Variants in CHN1 observed in about 807,000 individuals in gnomAD.
CHN1 encodes the protein chimerin 1, also known as N-chimaerin.
CHN1 carries 37 observed loss-of-function variants against 59.5 expected under a neutral mutation model. The observed-to-expected ratio is 0.62, with a 90% CI of 0.48 to 0.82. CHN1 has a LOEUF of 0.82. CHN1 is among the 40% of genes least tolerant of loss of function. The pLI is 0.00. For synonymous variants in CHN1, 206 were observed against 200.4 expected (o/e 1.03, Z -0.24); for missense variants, 469 against 571.0 (o/e 0.82, Z 1.82).
At chr2:174,872,849 A>G (rs1257302581) in intron 6 of CHN1, among the ~76,000 whole-genome samples, 2 of 152,130 alleles carry the variant, frequency 1.3e-5, no homozygotes, top group African/African-American at 4.8e-5. Context: ...CCAGAAAGCA[A>G]TAATTCTTCA....
Position 174,964,281 on chromosome 2 carries a change from G to A in CHN1, c.20-12079C>T, listed in dbSNP as rs1051519066. ...ACAAACTCTTTCTGGAAGCACAGGA[G>A]AGAAGTTACCTTATTACATGTAATG... On this transcript the variant is annotated intron_variant, in intron 1 of 12. Coordinates refer to ENST00000409900, the MANE Select transcript of CHN1 (RefSeq NM_001822.7). Among the ~76,000 whole-genome samples the A allele has an allele frequency of 3.9e-5, 6 of 152,292 alleles. No individual in the cohort carries two copies. In the East Asian group the frequency reaches 1.2e-3, roughly 29 times the overall value.
At chr2:174,829,485 A>C (rs917346585) in intron 7 of CHN1, among the ~76,000 whole-genome samples, 2 of 152,264 alleles carry the variant, frequency 1.3e-5, no homozygotes, top group African/African-American at 4.8e-5. Context: ...TACAGCATTC[A>C]TATCTCCAGT....
intron 3 of CHN1, among the ~76,000 whole-genome samples, chr2:174,938,323 C>T (rs895373574): frequency 2.6e-5 from 4 of 152,120 alleles, no homozygotes; most frequent in African/African-American, 9.7e-5. Context: ...CAACTCTATC[C>T]CACTATTTAA....
At chr2:174,912,047 T>A (rs1288125084) in intron 5 of CHN1, among the ~76,000 whole-genome samples, 1 of 151,948 alleles carries the variant, frequency 6.6e-6, no homozygotes, top group Non-Finnish European at 1.5e-5. Context: ...AAAGAAAAAG[T>A]CCTCTTAATC....
intron 5 of CHN1, among the ~76,000 whole-genome samples, chr2:174,891,263 G>C (rs1471461889): frequency 1.3e-5 from 2 of 150,290 alleles, no homozygotes; most frequent in East Asian, 3.9e-4. Context: ...AGGAAAACTA[G>C]AAAATATCTT....
At chr2:174,897,466 T>C (rs1036782535) in intron 5 of CHN1, among the ~76,000 whole-genome samples, 2 of 151,646 alleles carry the variant, frequency 1.3e-5, no homozygotes, top group African/African-American at 4.8e-5. Context: ...TATAAACATA[T>C]ATATTTTCAG....
At chr2:174,945,803 T>A (rs1689810538) in intron 2 of CHN1, among the ~76,000 whole-genome samples, 1 of 152,074 alleles carries the variant, frequency 6.6e-6, no homozygotes, top group Admixed American at 6.6e-5. Context: ...AGATTTCAAA[T>A]GGATATGATT....
At chr2:174,827,765 C>T (rs1190876340) in intron 7 of CHN1, among the ~76,000 whole-genome samples, 3 of 152,064 alleles carry the variant, frequency 2.0e-5, no homozygotes, top group African/African-American at 4.8e-5. Context: ...GAATCAACAG[C>T]GCTTGGTAAC....
At chr2:174,892,377 C>G (rs1222047279) in intron 5 of CHN1, among the ~76,000 whole-genome samples, 1 of 152,152 alleles carries the variant, frequency 6.6e-6, no homozygotes, top group Non-Finnish European at 1.5e-5. Context: ...AGGGTTTGGC[C>G]CTTTTTCCCT....
chr2:174,939,714 A>G (rs1257667065), intron 3 of CHN1, among the ~76,000 whole-genome samples: 1 of 152,208 alleles, frequency 6.6e-6, no homozygotes, highest in Non-Finnish European at 1.5e-5. Flanking sequence ...TAGCATTTTT[A>G]AAATTCCCAT....
At position 174,954,764 on chromosome 2, in the gene CHN1, G is replaced by A. The variant is rs181643055; in HGVS notation, c.20-2562C>T. On this transcript the variant is annotated intron_variant, in intron 1 of 12. Coordinates refer to ENST00000409900, the MANE Select transcript of CHN1 (RefSeq NM_001822.7). ...ATGTTAACACCTCACTCCTACAAGAGTGGCCATAATTAAAAAATCAAAAAA... is the reference window on the plus strand; with the variant it reads ...ATGTTAACACCTCACTCCTACAAGAATGGCCATAATTAAAAAATCAAAAAA... 1.6e-4 allele frequency among the ~76,000 whole-genome samples: 25 copies of A among 152,214 alleles called. 1 individual carries two copies. The highest frequency in any genetic ancestry group is 1.6e-3 in the Admixed American group (25 of 15,270).
At chr2:174,909,637 T>C (rs571708347) in intron 5 of CHN1, among the ~76,000 whole-genome samples, 2 of 152,360 alleles carry the variant, frequency 1.3e-5, no homozygotes, top group Non-Finnish European at 2.9e-5. Flanking sequence ...ATGCTGTGAC[T>C]AGCCATGAAT....
chr2:174,939,579 T>TA (rs1445896349), intron 3 of CHN1, among the ~76,000 whole-genome samples: 1 of 152,198 alleles, frequency 6.6e-6, no homozygotes, highest in African/African-American at 2.4e-5. Context: ...ATAATAGTCT[T>TA]ACTAATAAAT....
At chr2:174,967,024 T>A (rs912511390) in intron 1 of CHN1, among the ~76,000 whole-genome samples, 1 of 152,102 alleles carries the variant, frequency 6.6e-6, no homozygotes, top group Non-Finnish European at 1.5e-5. Flanking sequence ...GACAATAAAG[T>A]AGATCCTTCT....
Position 174,922,607 on chromosome 2 carries a change from C to A in CHN1, c.115-4042G>T, listed in dbSNP as rs190539884. ...TCAGGAGGCTGAGATGAGAGGACTG[C>A]CTGAGCCCAGGAGGTTGAGGCTGCA... is the stretch of plus-strand genomic sequence containing the variant. On this transcript the variant is annotated intron_variant, in intron 3 of 12. Coordinates refer to ENST00000409900, the MANE Select transcript of CHN1 (RefSeq NM_001822.7). Among the ~76,000 whole-genome samples the A allele has an allele frequency of 1.6e-4, 24 of 152,212 alleles. No homozygotes were observed. The East Asian group carries it at 4.4e-3, about 28-fold the overall frequency.
chr2:174,799,354 T>C lies in CHN1; in HGVS notation c.*762A>G, dbSNP rs1255666164. The C allele has an allele frequency of 5.0e-6, 2 of 396,922 alleles. No homozygotes were observed. Among genetic ancestry groups the C allele is most frequent in the Non-Finnish European group, 9.6e-6 (2 of 208,162 alleles). The allele number at this position is 396,922 out of a possible 1,614,324, so 24.6% of individuals were successfully genotyped here. On this transcript the variant is annotated 3_prime_UTR_variant, in exon 13 of 13. Coordinates refer to ENST00000409900, the MANE Select transcript of CHN1 (RefSeq NM_001822.7). The stretch of plus-strand genomic sequence containing the variant: ...GTATTTAATAAATGGCCAAACACAT[T>C]TTCCCGAATATTCTTATGAGAAAAA...
intron 8 of CHN1, among the ~76,000 whole-genome samples, chr2:174,819,544 C>CA (rs1176447907): frequency 6.6e-6 from 1 of 152,188 alleles, no homozygotes; most frequent in African/African-American, 2.4e-5. Context: ...GAATGTTTGA[C>CA]AGTCTCCATG....
intron 11 of CHN1, among the ~76,000 whole-genome samples, chr2:174,807,513 T>TGTGTGTGTGTGTGTGTGTGTGTGTGTG (rs58430205): frequency 7.1e-6 from 1 of 141,684 alleles, no homozygotes; most frequent in Non-Finnish European, 1.5e-5. Context: ...TGTGTGTGTG[T>TGTGTGTGTGTGTGTGTGTGTGTGTGTG]TGCTTTCTAG....
At chr2:174,802,010 C>T (rs1684739170) in intron 11 of CHN1, 198 bp from the exon 12 acceptor site, 2 of 444,664 alleles carry the variant, frequency 4.5e-6, no homozygotes, top group African/African-American at 2.0e-5. Flanking sequence ...AATGTGGCAA[C>T]ACTATTTACT....
Sources: gnomAD v4.1 joint callset for allele counts (sites outside exome capture counted in the v4.1 genomes callset) on GRCh38, gnomAD v4.1.1 for gene constraint, MANE v1.5 for transcripts, NCBI Gene and HGNC (gene_info 2026-07-23, HGNC 2026-07-21) for gene names.